GID4: variants seen among roughly 807,000 people sequenced by gnomAD.
GID4 encodes GID complex subunit 4 homolog, also known as glucose-induced degradation protein 4 homolog.
Under a neutral mutation model 32.4 loss-of-function variants are expected in GID4, and 7 were observed. That is an observed-to-expected ratio of 0.22 (90% CI 0.12 to 0.41). The LOEUF is 0.41. Ranked by LOEUF, GID4 falls within the 10% of genes least tolerant of loss-of-function variation. GID4 has a pLI of 1.00. For synonymous variants in GID4, 166 were observed against 170.0 expected, an observed-to-expected ratio of 0.98 and a Z score of 0.18; for missense variants, 309 against 400.0, an observed-to-expected ratio of 0.77 and a Z score of 1.94.
chr17:18,051,902 G>A (rs2044913566), intron 2 of GID4, among the ~76,000 whole-genome samples: 1 of 151,822 alleles, frequency 6.6e-6, no homozygotes, highest in South Asian at 2.1e-4. Context: ...ATGAAACCCT[G>A]TCTCTACTAA....
chr17:18,043,616 C>G lies in GID4; in HGVS notation c.439-1531C>G, dbSNP rs61746093. 9.7e-3 allele frequency among the ~76,000 whole-genome samples: 1,484 copies of G among 152,272 alleles called. 23 individuals carry two copies. Among genetic ancestry groups the G allele is most frequent in the African/African-American group, 0.034 (1,429 of 41,544 alleles). ...TTTTCACAGGGAATACCTTTGTCACCAGCACCAAACTGTGAAGGCACTTTG... is the reference window on the plus strand; with the variant it reads ...TTTTCACAGGGAATACCTTTGTCACGAGCACCAAACTGTGAAGGCACTTTG... On this transcript the variant is annotated intron_variant, in intron 1 of 5. Transcript: ENST00000268719.
intron 2 of GID4, among the ~76,000 whole-genome samples, chr17:18,049,429 TTTTG>T (rs1208043336): frequency 3.3e-5 from 5 of 152,090 alleles, no homozygotes; most frequent in Admixed American, 6.5e-5. Flanking sequence ...AGCACAGCTT[TTTTG>T]TTTGTTTGTT....
intron 3 of GID4, chr17:18,057,335 GGC>G: frequency 1.1e-5 from 3 of 271,286 alleles, no homozygotes; most frequent in South Asian, 4.7e-5. Context: ...GGGAGGCTGA[GGC>G]AGGAGAGTCA....
intron 3 of GID4, among the ~76,000 whole-genome samples, chr17:18,055,132 C>G (rs1334238436): frequency 6.7e-6 from 1 of 149,534 alleles, no homozygotes; most frequent in Admixed American, 6.7e-5. Flanking sequence ...GATTGTGCCA[C>G]TGCGCTCCAG....
At chr17:18,057,598 C>T (rs892786960) in intron 3 of GID4, 3 of 152,968 alleles carry the variant, frequency 2.0e-5, no homozygotes, top group South Asian at 4.1e-4. Context: ...ATGGCAACAC[C>T]TAAAACTAAA....
Position 18,063,052 on chromosome 17 carries a change from C to T in GID4, c.839+1077C>T, listed in dbSNP as rs573227320. On this transcript the variant is annotated intron_variant, in intron 5 of 5. Coordinates refer to ENST00000268719, the MANE Select transcript of GID4 (RefSeq NM_024052.5). ...TCGGGCCATTGCACTCCAGCCTGGG[C>T]GACAGAGCGAGACACCATCTCAAAA... Among the ~76,000 whole-genome samples the T allele has an allele frequency of 5.4e-5, 8 of 147,638 alleles. No homozygotes were observed. In the East Asian group the frequency reaches 7.9e-4, roughly 15 times the overall value.
In GID4 at chr17:18,048,235, A is replaced by C. The variant is rs373134014; in HGVS notation, c.498+3029A>C. Among the ~76,000 whole-genome samples, 5 of 150,940 alleles carry C rather than the reference A, an allele frequency of 3.3e-5. No individual in the cohort carries two copies. In the East Asian group the frequency reaches 7.7e-4, roughly 23 times the overall value. On this transcript the variant is annotated intron_variant, in intron 2 of 5. Coordinates refer to ENST00000268719, the MANE Select transcript of GID4 (RefSeq NM_024052.5). Reference sequence around the variant, plus strand: ...TTTTTTTTGAGACAGAGTCTCAGTCACCCAGGCTGGAGTGCAGTGGTGTGA... The same window carrying C: ...TTTTTTTTGAGACAGAGTCTCAGTCCCCCAGGCTGGAGTGCAGTGGTGTGA...
intron 2 of GID4, among the ~76,000 whole-genome samples, chr17:18,045,902 A>AG (rs2044848870): frequency 6.6e-6 from 1 of 150,518 alleles, no homozygotes; most frequent in African/African-American, 2.5e-5. Context: ...AAAAAAAAAA[A>AG]AAAAGAAAGA....
intron 2 of GID4, among the ~76,000 whole-genome samples, chr17:18,052,083 A>G (rs2044916410): frequency 6.8e-6 from 1 of 147,892 alleles, no homozygotes; most frequent in East Asian, 1.9e-4. Flanking sequence ...CTCCCCCCAA[A>G]AAAAAAAAAA....
chr17:18,052,175 T>C (rs376098657), intron 2 of GID4, among the ~76,000 whole-genome samples: 14 of 152,096 alleles, frequency 9.2e-5, no homozygotes, highest in African/African-American at 3.4e-4. Context: ...TGTATTTAAA[T>C]ATTTATGTGA....
At chr17:18,063,607 T>C (rs2142155578) in intron 5 of GID4, among the ~76,000 whole-genome samples, 1 of 152,354 alleles carries the variant, frequency 6.6e-6, no homozygotes, top group African/African-American at 2.4e-5. Flanking sequence ...CTGGGTATTT[T>C]ATATAAATGG....
At chr17:18,042,753 C>T (rs1020480520) in intron 1 of GID4, among the ~76,000 whole-genome samples, 2 of 152,124 alleles carry the variant, frequency 1.3e-5, no homozygotes, top group Non-Finnish European at 2.9e-5. Flanking sequence ...TTTACATTTC[C>T]ACCAGCAGTG....
intron 5 of GID4, chr17:18,062,247 TTATCTC>T: frequency 3.0e-6 from 1 of 330,782 alleles, no homozygotes; most frequent in South Asian, 5.6e-5. Context: ...TTGGCAATGT[TTATCTC>T]AATCTTGCTG....
At chr17:18,051,540 G>A (rs1372826147) in intron 2 of GID4, among the ~76,000 whole-genome samples, 5 of 152,052 alleles carry the variant, frequency 3.3e-5, no homozygotes, top group African/African-American at 4.8e-5. Flanking sequence ...GCCACACGTG[G>A]TGGTGGATAC....
rs559286148 is a variant in GID4 at position 18,059,070 on chromosome 17, G to A, written c.708+101G>A. The A allele has an allele frequency of 6.9e-4, 461 of 670,842 alleles. 1 individual carries two copies. Among genetic ancestry groups the A allele is most frequent in the Middle Eastern group, 7.8e-4 (2 of 2,578 alleles). The allele number at this position is 670,842 out of a possible 1,614,324, so 41.6% of individuals were successfully genotyped here. A position where few individuals can be genotyped will look rare whatever the true frequency, so the allele number is the denominator to read the frequency against. On this transcript the variant is annotated intron_variant, in intron 4 of 5. Transcript: ENST00000268719. The stretch of plus-strand genomic sequence containing the variant: ...CAAGGGCTCCCCATGTCCAGTGCTC[G>A]TCACAGCTGGTTGTCATGGCAAAGT...
chr17:18,050,106 GTT>G (rs2044896122), intron 2 of GID4, among the ~76,000 whole-genome samples: 1 of 152,104 alleles, frequency 6.6e-6, no homozygotes. Context: ...TATATACCAC[GTT>G]TTCTTTATCC....
chr17:18,059,099 C>A lies in GID4; in HGVS notation c.708+130C>A, dbSNP rs2044996472. The A allele has an allele frequency of 2.4e-5, 15 of 618,364 alleles. No homozygotes were observed. In the South Asian group the frequency reaches 3.0e-4, roughly 12 times the overall value. 38.3% of individuals were successfully genotyped at this position (618,364 alleles called of 1,614,324 possible). The stretch of plus-strand genomic sequence containing the variant: ...CAGCTGGTTGTCATGGCAAAGTCTT[C>A]ATGGCAGGGTCTTTGCACGCCTATA... On this transcript the variant is annotated intron_variant, in intron 4 of 5. Transcript: ENST00000268719.
In GID4 at chr17:18,039,699, C is replaced by G; in HGVS notation, c.235C>G (p.Pro79Ala). ...TCTCCCACTCCCCCCAGCCCTGGCTCCGGGGGACCCCGCGATGCCGGTCCG... is the reference window on the plus strand; with the variant it reads ...TCTCCCACTCCCCCCAGCCCTGGCTGCGGGGGACCCCGCGATGCCGGTCCG... ...VPLPLPPALA[P>A]GDPAMPVRTE... Residue 79 changes from proline (P) to alanine (A), a missense_variant, in exon 1 of 6, where the codon CCG becomes GCG. Pro to Ala is a conservative substitution (Grantham distance 27). Around this residue, in one of 2 missense-constraint regions of GID4, gnomAD observed 193 missense variants for 185.8 expected, o/e 1.04. Coordinates refer to ENST00000268719, the MANE Select transcript of GID4 (RefSeq NM_024052.5). This position sits in a 1 kb window ranked among gnomAD's most constrained non-coding sequence, Gnocchi z 5.3. The G allele has an allele frequency of 6.8e-7, 1 of 1,476,370 alleles. No homozygotes were observed. Among genetic ancestry groups the G allele is most frequent in the Non-Finnish European group, 9.0e-7 (1 of 1,112,868 alleles). The allele number at this position is 1,476,370 out of a possible 1,614,324, so 91.5% of individuals were successfully genotyped here.
chr17:18,057,038 T>C (rs923336460), intron 3 of GID4: 26 of 1,541,734 alleles, frequency 1.7e-5, no homozygotes, highest in African/African-American at 1.1e-4. Context: ...ATCAGAGATA[T>C]TGTATTGCAT....
Sources: allele counts gnomAD v4.1 joint callset (sites outside exome capture counted in the v4.1 genomes callset), GRCh38; gene constraint gnomAD v4.1.1; regional missense constraint gnomAD v4.1.1; non-coding constraint Gnocchi (gnomAD v3.1); transcripts MANE v1.5; gene names NCBI Gene and HGNC (gene_info 2026-07-23, HGNC 2026-07-21).